Variants in LZTS1 observed in about 807,000 individuals in gnomAD.
LZTS1 encodes the protein leucine zipper putative tumor suppressor 1.
A neutral mutation model predicts 45.8 loss-of-function variants in LZTS1; 31 were observed. The ratio of observed to expected loss-of-function variants is 0.68; its 90% CI spans 0.51 to 0.91. The LOEUF is 0.91. Ranked by LOEUF, LZTS1 falls within the 40% of genes least tolerant of loss-of-function variation. The pLI, the probability that LZTS1 is intolerant of heterozygous loss-of-function variation, is 0.00. For synonymous variants in LZTS1, 359 were observed against 357.3 expected (o/e 1.00, Z -0.05); for missense variants, 821 against 788.9 (o/e 1.04, Z -0.49).
At chr8:20,250,891 G>A (rs900413455) in intron 3 of LZTS1, among the ~76,000 whole-genome samples, 9 of 151,742 alleles carry the variant, frequency 5.9e-5, no homozygotes, top group African/African-American at 1.9e-4. Flanking sequence ...GAGCCACCAC[G>A]CCTAGCCACA....
At chr8:20,254,775 C>G (rs1222394258) in intron 2 of LZTS1, 62 bp downstream of exon 2, 5 of 1,373,802 alleles carry the variant, frequency 3.6e-6, no homozygotes, top group Non-Finnish European at 4.9e-6. Flanking sequence ...AGGCTCTCCA[C>G]CCCCATTTTG....
chr8:20,250,613 ATTG>A (rs1467454705), intron 3 of LZTS1, among the ~76,000 whole-genome samples: 1 of 152,146 alleles, frequency 6.6e-6, no homozygotes, highest in Admixed American at 6.5e-5. Context: ...GTATATTATT[ATTG>A]TTATTATTTG....
chr8:20,275,484 A>G (rs889733408), intron 1 of LZTS1, among the ~76,000 whole-genome samples: 3 of 151,806 alleles, frequency 2.0e-5, no homozygotes, highest in African/African-American at 7.3e-5. Flanking sequence ...GCTTTCCTGC[A>G]GACCCCAGAG....
chr8:20,291,774 G>A (rs1800904778), intron 1 of LZTS1, among the ~76,000 whole-genome samples: 1 of 152,232 alleles, frequency 6.6e-6, no homozygotes, highest in South Asian at 2.1e-4. Context: ...TGACTTGCCT[G>A]ATGTCACACA....
chr8:20,282,765 C>A (rs1453440185), intron 1 of LZTS1, among the ~76,000 whole-genome samples: 2 of 152,070 alleles, frequency 1.3e-5, no homozygotes, highest in Non-Finnish European at 2.9e-5. Context: ...CTAGATGTTG[C>A]CAAATATTCC....
intron 1 of LZTS1, among the ~76,000 whole-genome samples, chr8:20,261,171 G>C (rs1256245112): frequency 1.3e-5 from 2 of 152,194 alleles, no homozygotes; most frequent in African/African-American, 4.8e-5. Flanking sequence ...GATTCAGGAA[G>C]GGGACAGGAG....
At chr8:20,299,897 C>T (rs532916456) in intron 1 of LZTS1, among the ~76,000 whole-genome samples, 18 of 152,334 alleles carry the variant, frequency 1.2e-4, no homozygotes, top group South Asian at 4.1e-4. Flanking sequence ...AGATTCCCCA[C>T]GTAGTTGGAT....
In LZTS1 at chr8:20,253,430, G is replaced by A. The variant is rs759147550; in HGVS notation, c.501C>T (p.Cys167=). The A allele has an allele frequency of 1.9e-6, 3 of 1,612,252 alleles. No individual in the cohort carries two copies. The highest frequency in any genetic ancestry group is 4.5e-5 in the East Asian group (2 of 44,840). The change falls in exon 3 of 4, where the codon TGC becomes TGT. Residue 167 remains cysteine (C), a synonymous_variant. Transcript: ENST00000381569. ...PKEQELKPGL[C]SGALSDSGRN... is the part of the protein sequence containing the mutation. ...GGCCGGAGTCTGACAGCGCCCCAGA[G>A]CACAGGCCAGGCTTCAGCTCCTGCT...
At chr8:20,255,418 G>A (rs1378191031) in intron 1 of LZTS1, 103 bp from the exon 2 acceptor site, 39 of 735,914 alleles carry the variant, frequency 5.3e-5, no homozygotes, top group Non-Finnish European at 7.6e-5. Context: ...ACATGTCAGA[G>A]CCCAGCACTG....
Position 20,250,240 on chromosome 8 carries a change from T to C in LZTS1, c.1273A>G (p.Lys425Glu). The change falls in exon 4 of 4, where the codon AAG becomes GAG. Residue 425 changes from lysine (K) to glutamate (E), a missense_variant. Coordinates refer to ENST00000381569, the MANE Select transcript of LZTS1 (RefSeq NM_021020.5). ...GTCCTCAGCTCCAGGCCCTCCAGCT[T>C]GCCCCGCGTGTCCTTCAGCTGTGCC... ...LKAQLKDTRG[K>E]LEGLELRTQD... 6.2e-7 allele frequency: 1 copy of C among 1,613,392 alleles called. No individual in the cohort carries two copies.
At chr8:20,261,771 C>T (rs1190746356) in intron 1 of LZTS1, among the ~76,000 whole-genome samples, 1 of 152,248 alleles carries the variant, frequency 6.6e-6, no homozygotes, top group African/African-American at 2.4e-5. Flanking sequence ...CACGCCAAGT[C>T]CCGGGTTCTG....
At chr8:20,267,015 G>A (rs1430163838) in intron 1 of LZTS1, among the ~76,000 whole-genome samples, 3 of 149,182 alleles carry the variant, frequency 2.0e-5, no homozygotes, top group African/African-American at 5.0e-5. Flanking sequence ...GGCTGAGGCC[G>A]AGGAATCACT....
chr8:20,262,889 C>G (rs922076262), intron 1 of LZTS1, among the ~76,000 whole-genome samples: 3 of 152,096 alleles, frequency 2.0e-5, no homozygotes, highest in African/African-American at 7.2e-5. Flanking sequence ...GTTTAAAACC[C>G]CAGTTGAGTC....
chr8:20,249,788 C>T lies in LZTS1; in HGVS notation c.1725G>A (p.Glu575=). 1.2e-6 allele frequency: 2 copies of T among 1,613,864 alleles called. No individual in the cohort carries two copies. The highest frequency in any genetic ancestry group is 1.3e-5 in the African/African-American group (1 of 75,066). ...QQLARGDSAG[E]PLEVDLEGAD... is the part of the protein sequence containing the mutation. ...CCCCTTCCAGGTCAACCTCCAAGGG[C>T]TCCCCGGCGCTGTCCCCACGTGCCA... The change falls in exon 4 of 4, where the codon GAG becomes GAA. Residue 575 remains glutamate, a synonymous_variant. Transcript: ENST00000381569.
intron 1 of LZTS1, among the ~76,000 whole-genome samples, chr8:20,257,081 G>C (rs138511269): frequency 3.7e-3 from 556 of 152,294 alleles, no homozygotes; most frequent in African/African-American, 0.013. Flanking sequence ...CAGGCGCAAT[G>C]GCTCAAGCCT....
Position 20,255,304 on chromosome 8 carries a change from A to G in LZTS1, c.-123T>C. The G allele has an allele frequency of 6.9e-7, 1 of 1,446,258 alleles. No individual in the cohort carries two copies. The highest frequency in any genetic ancestry group is 2.5e-5 in the East Asian group (1 of 40,378). The allele number at this position is 1,446,258 out of a possible 1,614,324, so 89.6% of individuals were successfully genotyped here. On this transcript the variant is annotated 5_prime_UTR_variant, in exon 2 of 4. Transcript: ENST00000381569. The stretch of plus-strand genomic sequence containing the variant: ...TAGCAAAGCCCTCACAGAGCCTGCG[A>G]GAGCCGTAGACCTGGAAGAAGACAC...
intron 1 of LZTS1, among the ~76,000 whole-genome samples, chr8:20,291,288 A>G (rs757827892): frequency 1.2e-4 from 19 of 152,180 alleles, no homozygotes; most frequent in Non-Finnish European, 2.5e-4. Context: ...CGCAGGCAGC[A>G]CAACCTGACC....
intron 1 of LZTS1, among the ~76,000 whole-genome samples, chr8:20,255,873 G>A (rs553853722): frequency 9.2e-5 from 14 of 151,890 alleles, no homozygotes; most frequent in South Asian, 4.2e-4. Context: ...CCAGGAGTTC[G>A]AGACCAGCCT....
At chr8:20,288,203 C>T (rs975575626) in intron 1 of LZTS1, among the ~76,000 whole-genome samples, 48 of 152,282 alleles carry the variant, frequency 3.2e-4, no homozygotes, top group African/African-American at 1.0e-3. Context: ...CTCCCTCCCC[C>T]ACACAGCTGG....
Sources: gnomAD v4.1 joint callset for allele counts (sites outside exome capture counted in the v4.1 genomes callset) on GRCh38, gnomAD v4.1.1 for gene constraint, MANE v1.5 for transcripts, NCBI Gene and HGNC (gene_info 2026-07-23, HGNC 2026-07-21) for gene names.